The following TMEM131L variants were observed in gnomAD, a reference collection of about 807,000 sequenced individuals.
TMEM131L encodes the protein transmembrane 131 like.
TMEM131L carries 54 observed loss-of-function variants against 192.2 expected under a neutral mutation model. That is an observed-to-expected ratio of 0.28 (90% CI 0.23 to 0.35). The LOEUF (loss-of-function observed/expected upper bound fraction) is 0.35. Ranked by LOEUF, TMEM131L falls within the 10% of genes least tolerant of loss-of-function variation. TMEM131L has a pLI of 1.00. For synonymous variants in TMEM131L, 701 were observed against 704.9 expected, an observed-to-expected ratio of 0.99 and a Z score of 0.09; for missense variants, 1,888 against 1,972.9, an observed-to-expected ratio of 0.96 and a Z score of 0.82.
intron 21 of TMEM131L, among the ~76,000 whole-genome samples, chr4:153,601,104 T>C (rs1269655346): frequency 7.7e-6 from 1 of 130,700 alleles, no homozygotes; most frequent in Non-Finnish European, 1.7e-5. Context: ...AACAAGACTG[T>C]CTCAAAAAAA....
At chr4:153,545,290 C>CTTTTTTTTTTTTTTTTTTTTTTTTTTT (rs59852943) in intron 3 of TMEM131L, among the ~76,000 whole-genome samples, 2 of 132,332 alleles carry the variant, frequency 1.5e-5, no homozygotes, top group South Asian at 2.5e-4. Context: ...CTTTTTCAAA[C>CTTTTTTTTTTTTTTTTTTTTTTTTTTT]TTTTTTTTTT....
intron 7 of TMEM131L, among the ~76,000 whole-genome samples, chr4:153,565,245 A>C (rs539991832): frequency 2.1e-4 from 32 of 152,314 alleles, no homozygotes; most frequent in Middle Eastern, 3.4e-3. Flanking sequence ...TGTTTAGTGC[A>C]TTGAGGACTC....
intron 2 of TMEM131L, among the ~76,000 whole-genome samples, chr4:153,468,971 C>T (rs1028630554): frequency 1.3e-5 from 2 of 152,152 alleles, no homozygotes; most frequent in Admixed American, 6.5e-5. Context: ...TATATACTCT[C>T]ATTTGTTAGA....
intron 7 of TMEM131L, among the ~76,000 whole-genome samples, chr4:153,563,020 C>T (rs1433321205): frequency 1.3e-5 from 2 of 152,150 alleles, no homozygotes; most frequent in African/African-American, 4.8e-5. Context: ...GTCTGCCTTA[C>T]ATATGGGTCT....
intron 19 of TMEM131L, among the ~76,000 whole-genome samples, chr4:153,594,673 G>C (rs1429647828): frequency 6.6e-6 from 1 of 152,044 alleles, no homozygotes; most frequent in Non-Finnish European, 1.5e-5. Context: ...TATACTGTTG[G>C]CTCTAGATTA....
rs2150735578 is a variant in TMEM131L at position 153,581,393 on chromosome 4, C to T, written c.739-14C>T. ...ATTTTTTTTTTCCTTTTTTCCTCCT[C>T]CTTCCAACCATAGGGTTGTTATCTG... On this transcript the variant is annotated splice_polypyrimidine_tract_variant and intron_variant, in intron 8 of 34. Coordinates refer to ENST00000409959, the MANE Select transcript of TMEM131L (RefSeq NM_001131007.2). 1 of 1,509,896 alleles carries T rather than the reference C, an allele frequency of 6.6e-7. No homozygotes were observed. The highest frequency in any genetic ancestry group is 8.9e-7 in the Non-Finnish European group (1 of 1,125,724). 93.5% of individuals were successfully genotyped at this position (1,509,896 alleles called of 1,614,324 possible).
At chr4:153,469,975 G>A (rs1354545296) in intron 2 of TMEM131L, among the ~76,000 whole-genome samples, 1 of 149,948 alleles carries the variant, frequency 6.7e-6, no homozygotes, top group African/African-American at 2.5e-5. Context: ...TAACATATTT[G>A]CCAACACTGT....
chr4:153,556,240 A>C (rs1452795252), intron 5 of TMEM131L, among the ~76,000 whole-genome samples: 1 of 152,082 alleles, frequency 6.6e-6, no homozygotes, highest in Non-Finnish European at 1.5e-5. Context: ...AATGACTCCA[A>C]ATTCTGAGGC....
At chr4:153,596,114 T>C (rs1731419264) in intron 19 of TMEM131L, 144 bp from the exon 20 acceptor site, 12 of 903,202 alleles carry the variant, frequency 1.3e-5, no homozygotes, top group Non-Finnish European at 2.0e-5. Flanking sequence ...ACTCTCAGGA[T>C]AAGCAAGTTC....
chr4:153,521,986 TTTG>T (rs909164601), intron 3 of TMEM131L, among the ~76,000 whole-genome samples: 1 of 152,074 alleles, frequency 6.6e-6, no homozygotes, highest in African/African-American at 2.4e-5. Context: ...CAACATAACT[TTTG>T]TTATTTTGGT....
chr4:153,588,847 T>C (rs374791998), intron 15 of TMEM131L, 43 bp from the exon 16 acceptor site: 2 of 1,032,064 alleles, frequency 1.9e-6, no homozygotes, highest in Non-Finnish European at 3.0e-6. Flanking sequence ...AATTGAATTA[T>C]GTTTTCTGTA....
intron 3 of TMEM131L, among the ~76,000 whole-genome samples, chr4:153,534,910 C>G (rs1736196891): frequency 6.6e-6 from 1 of 152,146 alleles, no homozygotes; most frequent in South Asian, 2.1e-4. Flanking sequence ...GGGTACAGAC[C>G]TGGAGAGGGG....
chr4:153,565,821 A>T (rs1252198938), intron 7 of TMEM131L, among the ~76,000 whole-genome samples: 1 of 152,220 alleles, frequency 6.6e-6, no homozygotes, highest in Non-Finnish European at 1.5e-5. Context: ...CAAGTATTAA[A>T]ATTAGACTGC....
intron 7 of TMEM131L, among the ~76,000 whole-genome samples, chr4:153,577,993 A>G (rs759948897): frequency 8.5e-5 from 13 of 152,180 alleles, no homozygotes; most frequent in Non-Finnish European, 1.9e-4. Flanking sequence ...TGAAGAGGGC[A>G]TAGGCAGCAT....
intron 4 of TMEM131L, among the ~76,000 whole-genome samples, chr4:153,551,198 C>T (rs1464680072): frequency 1.3e-5 from 2 of 152,128 alleles, no homozygotes; most frequent in Non-Finnish European, 2.9e-5. Flanking sequence ...TTTTGAGTGA[C>T]AAGCAAAGTT....
At chr4:153,571,457 C>T (rs541991443) in intron 7 of TMEM131L, among the ~76,000 whole-genome samples, 43 of 152,204 alleles carry the variant, frequency 2.8e-4, no homozygotes, top group African/African-American at 7.9e-4. Flanking sequence ...TTGGTGTAGC[C>T]GCCTCAGTCT....
chr4:153,482,047 A>G (rs988234232), intron 3 of TMEM131L, among the ~76,000 whole-genome samples: 66 of 151,722 alleles, frequency 4.4e-4, no homozygotes, highest in Admixed American at 6.6e-5. Context: ...GGGTTTCACC[A>G]TGTTGGATAA....
chr4:153,573,725 C>G (rs1352270842), intron 7 of TMEM131L, among the ~76,000 whole-genome samples: 1 of 152,074 alleles, frequency 6.6e-6, no homozygotes, highest in Non-Finnish European at 1.5e-5. Context: ...GTAAATGACA[C>G]TTCTTTTTTT....
intron 3 of TMEM131L, among the ~76,000 whole-genome samples, chr4:153,481,157 C>T (rs1731912802): frequency 6.6e-6 from 1 of 151,770 alleles, no homozygotes; most frequent in Admixed American, 6.6e-5. Context: ...CTTTTTTTGC[C>T]AAAACACTTT....
Sources: gnomAD v4.1 joint callset for allele counts (sites outside exome capture counted in the v4.1 genomes callset) on GRCh38, gnomAD v4.1.1 for gene constraint, MANE v1.5 for transcripts, NCBI Gene and HGNC (gene_info 2026-07-23, HGNC 2026-07-21) for gene names.